The following BCAS3 variants were observed in gnomAD, a reference collection of about 807,000 sequenced individuals.
BCAS3 encodes BCAS4/BCAS3 fusion.
A neutral mutation model predicts 116.1 loss-of-function variants in BCAS3; 53 were observed. The ratio of observed to expected loss-of-function variants is 0.46; its 90% CI spans 0.37 to 0.57. The LOEUF is 0.57. BCAS3 is among the 20% of genes least tolerant of loss of function. The probability of loss-of-function intolerance (pLI) is 0.00; values close to 1 mark genes in which losing one functional copy is unlikely to be tolerated. For synonymous variants in BCAS3, 391 were observed against 408.2 expected (o/e 0.96, Z 0.51); for missense variants, 917 against 1,165.4 (o/e 0.79, Z 3.10).
At position 61,244,998 on chromosome 17, in the gene BCAS3, G is replaced by T. The variant is rs115214313; in HGVS notation, c.2426-123329G>T. Among the ~76,000 whole-genome samples, 1,126 of 152,308 alleles carry T rather than the reference G, an allele frequency of 7.4e-3. 15 individuals carry two copies. Among genetic ancestry groups the T allele is most frequent in the African/African-American group, 0.026 (1,082 of 41,566 alleles). On this transcript the variant is annotated intron_variant, in intron 22 of 23. Transcript: ENST00000407086. The surrounding 1 kb of genome is among the most constrained non-coding windows in gnomAD (Gnocchi z 4.9). ...GTGTAATAGACTATAATTTTAGTAAGTGTATCAGTCCATTCTCACGCTGCT... is the reference window on the plus strand; with the variant it reads ...GTGTAATAGACTATAATTTTAGTAATTGTATCAGTCCATTCTCACGCTGCT...
At chr17:60,916,190 A>T (rs531214760) in intron 12 of BCAS3, among the ~76,000 whole-genome samples, 23 of 152,326 alleles carry the variant, frequency 1.5e-4, no homozygotes, top group Middle Eastern at 6.8e-3. Flanking sequence ...GAGTTGTATA[A>T]GTGCACTTTT....
At chr17:60,920,884 ACAAC>A (rs906022314) in intron 12 of BCAS3, among the ~76,000 whole-genome samples, 7 of 80,892 alleles carry the variant, frequency 8.7e-5, no homozygotes, top group Non-Finnish European at 1.4e-4. Flanking sequence ...AACAACAACA[ACAAC>A]AACAACAACA....
chr17:61,289,390 T>A lies in BCAS3; in HGVS notation c.2426-78937T>A, dbSNP rs1374008223. 3.9e-5 allele frequency among the ~76,000 whole-genome samples: 6 copies of A among 152,314 alleles called. No individual in the cohort carries two copies. In the East Asian group the frequency reaches 1.2e-3, roughly 29 times the overall value. On this transcript the variant is annotated intron_variant, in intron 22 of 23. Transcript: ENST00000407086. ...AATTTCTCAACATCAGACATGGCTGTTTACCTCCACGTACATTACTGCCAT... is the reference window on the plus strand; with the variant it reads ...AATTTCTCAACATCAGACATGGCTGATTACCTCCACGTACATTACTGCCAT...
intron 19 of BCAS3, among the ~76,000 whole-genome samples, chr17:61,042,265 CTCTT>C (rs953121634): frequency 3.3e-5 from 5 of 152,018 alleles, no homozygotes; most frequent in African/African-American, 7.2e-5. Context: ...GCATAGTTGA[CTCTT>C]TCAGAGTTAA....
intron 19 of BCAS3, among the ~76,000 whole-genome samples, chr17:61,055,678 A>C (rs1339998864): frequency 6.6e-6 from 1 of 152,190 alleles, no homozygotes; most frequent in Non-Finnish European, 1.5e-5. Context: ...AAATAAATAC[A>C]CAGCCTTGTG....
At chr17:60,950,172 T>C (rs2060755615) in intron 14 of BCAS3, among the ~76,000 whole-genome samples, 1 of 152,134 alleles carries the variant, frequency 6.6e-6, no homozygotes, top group South Asian at 2.1e-4. Flanking sequence ...TATTCAGGAA[T>C]TTAAAGTCCT....
In BCAS3 at chr17:60,727,328, C is replaced by T. The variant is rs114823819; in HGVS notation, c.321+18003C>T. The T allele has an allele frequency of 7.3e-3, 9,995 of 1,372,770 alleles. 488 individuals are homozygous for T. The African/African-American group carries it at 0.11, about 15-fold the overall frequency. 85.0% of individuals were successfully genotyped at this position (1,372,770 alleles called of 1,614,324 possible). ...CTTAGCCTTCTTCAGGAAAACTGGC[C>T]TTCTCTGCCCACCATAGCCACTCTG... On this transcript the variant is annotated intron_variant, in intron 5 of 23. Coordinates refer to ENST00000407086, the MANE Select transcript of BCAS3 (RefSeq NM_017679.5).
intron 6 of BCAS3, among the ~76,000 whole-genome samples, chr17:60,756,327 C>G (rs552829510): frequency 5.9e-5 from 9 of 152,292 alleles, no homozygotes; most frequent in African/African-American, 2.2e-4. Flanking sequence ...ACCCACAGGC[C>G]ATGAACTGGT....
intron 22 of BCAS3, among the ~76,000 whole-genome samples, chr17:61,165,674 GA>G (rs2078448778): frequency 6.6e-6 from 1 of 152,046 alleles, no homozygotes. Context: ...TAACAAGAGT[GA>G]AACTCTGTCT....
rs188681891 is a variant in BCAS3, at chr17:60,712,217, T to A, written c.321+2892T>A. Reference sequence around the variant, plus strand: ...AGTGAGACCTTGTCTCTACAAAAAATTTTTAAAAATTAACCAGGCGTAGTG... The same window carrying A: ...AGTGAGACCTTGTCTCTACAAAAAAATTTTAAAAATTAACCAGGCGTAGTG... On this transcript the variant is annotated intron_variant, in intron 5 of 23. Coordinates refer to ENST00000407086, the MANE Select transcript of BCAS3 (RefSeq NM_017679.5). 6.0e-3 allele frequency among the ~76,000 whole-genome samples: 897 copies of A among 150,672 alleles called. 4 individuals carry two copies. Among genetic ancestry groups the A allele is most frequent in the Admixed American group, 0.01 (153 of 15,152 alleles).
At chr17:60,941,367 C>G (rs2060213103) in intron 13 of BCAS3, among the ~76,000 whole-genome samples, 2 of 152,128 alleles carry the variant, frequency 1.3e-5, no homozygotes. Flanking sequence ...AAGCCACAGT[C>G]TACTCTGCAC....
intron 7 of BCAS3, among the ~76,000 whole-genome samples, chr17:60,808,283 G>A (rs563941625): frequency 1.2e-4 from 19 of 152,322 alleles, no homozygotes; most frequent in Admixed American, 7.8e-4. Flanking sequence ...TTCTAAAGGT[G>A]TTGTGTGAAT....
In BCAS3 at chr17:61,366,423, G is replaced by A. The variant is rs2058737382; in HGVS notation, c.2426-1904G>A. On this transcript the variant is annotated intron_variant, in intron 22 of 23. Coordinates refer to ENST00000407086, the MANE Select transcript of BCAS3 (RefSeq NM_017679.5). The surrounding 1 kb of genome is among the most constrained non-coding windows in gnomAD (Gnocchi z 4.5). ...CTGTGCATCATGCAGTGAGTCGGCA[G>A]CAGAATCAGAAGCTTAGTGGATGTC... Among the ~76,000 whole-genome samples the A allele has an allele frequency of 6.6e-6, 1 of 152,228 alleles. No individual in the cohort carries two copies. The highest frequency in any genetic ancestry group is 6.5e-5 in the Admixed American group (1 of 15,280).
chr17:60,817,109 T>G (rs750256464), intron 7 of BCAS3, among the ~76,000 whole-genome samples: 5 of 152,214 alleles, frequency 3.3e-5, no homozygotes, highest in Admixed American at 6.5e-5. Context: ...AGCCCAAAAT[T>G]TAACATACTC....
chr17:60,821,000 G>A (rs954536590), intron 7 of BCAS3, among the ~76,000 whole-genome samples: 1 of 152,114 alleles, frequency 6.6e-6, no homozygotes, highest in African/African-American at 2.4e-5. Context: ...AGGCTGGAGG[G>A]CAGTGGCACA....
intron 13 of BCAS3, among the ~76,000 whole-genome samples, chr17:60,933,626 A>T (rs1209162468): frequency 1.3e-5 from 2 of 152,190 alleles, no homozygotes; most frequent in Non-Finnish European, 2.9e-5. Context: ...TTAATTGTTA[A>T]AGAAGTTTAG....
intron 22 of BCAS3, among the ~76,000 whole-genome samples, chr17:61,137,638 A>G (rs2076713585): frequency 6.6e-6 from 1 of 152,188 alleles, no homozygotes; most frequent in South Asian, 2.1e-4. Context: ...GCGTGGTGGC[A>G]CACGCCTGTA....
At chr17:61,254,603 C>A (rs1232654296) in intron 22 of BCAS3, among the ~76,000 whole-genome samples, 1 of 151,502 alleles carries the variant, frequency 6.6e-6, no homozygotes. Context: ...ATGGTGAAAC[C>A]CCTTCTCTAC....
At chr17:60,734,754 T>C (rs1406437168) in intron 5 of BCAS3, among the ~76,000 whole-genome samples, 1 of 152,230 alleles carries the variant, frequency 6.6e-6, no homozygotes, top group African/African-American at 2.4e-5. Context: ...TGAAATCAGA[T>C]AGCATCAGTG....
Sources: allele counts gnomAD v4.1 joint callset (sites outside exome capture counted in the v4.1 genomes callset), GRCh38; gene constraint gnomAD v4.1.1; non-coding constraint Gnocchi (gnomAD v3.1); transcripts MANE v1.5; gene names NCBI Gene and HGNC (gene_info 2026-07-23, HGNC 2026-07-21).